The following GRIN3A variants were observed in gnomAD, a reference collection of about 807,000 sequenced individuals.
The protein encoded by GRIN3A is glutamate receptor ionotropic, NMDA 3A.
In GRIN3A, 47 loss-of-function variants were observed where a neutral mutation model predicts 92.4. The observed-to-expected ratio is 0.51, with a 90% CI of 0.40 to 0.65. The LOEUF (loss-of-function observed/expected upper bound fraction) is 0.65, where lower values mean the gene tolerates loss of function less well. GRIN3A is among the 30% of genes least tolerant of loss of function. GRIN3A has a pLI of 0.00. For missense variants in GRIN3A, 1,324 were observed against 1,393.1 expected (o/e 0.95, Z 0.79); for synonymous variants, 527 against 540.6 (o/e 0.97, Z 0.35).
chr9:101,610,630 A>ATCATCTG (rs1828353007), intron 6 of GRIN3A, among the ~76,000 whole-genome samples: 1 of 134,896 alleles, frequency 7.4e-6, no homozygotes, highest in African/African-American at 2.6e-5. Context: ...TCTATCATCT[A>ATCATCTG]TCTATCTACA....
intron 6 of GRIN3A, among the ~76,000 whole-genome samples, chr9:101,596,183 C>A (rs1169313115): frequency 6.6e-5 from 10 of 152,144 alleles, no homozygotes; most frequent in Admixed American, 6.5e-4. Context: ...CTAAAGATAA[C>A]CATGCTGGAA....
intron 5 of GRIN3A, among the ~76,000 whole-genome samples, chr9:101,616,089 GACC>G (rs1376142579): frequency 6.6e-6 from 1 of 152,178 alleles, no homozygotes; most frequent in East Asian, 1.9e-4. Flanking sequence ...GCTAAGTCCT[GACC>G]ACTTAACATG....
At chr9:101,654,110 ACAGTGTTTTAT>A (rs574424794) in intron 3 of GRIN3A, among the ~76,000 whole-genome samples, 308 of 151,750 alleles carry the variant, frequency 2.0e-3, no homozygotes, top group African/African-American at 6.7e-3. Context: ...TTCATTCAAT[ACAGTGTTTTAT>A]TATCTTATCT....
chr9:101,734,037 CCAATTATATTA>C (rs2119048485), intron 1 of GRIN3A, among the ~76,000 whole-genome samples: 1 of 152,012 alleles, frequency 6.6e-6, no homozygotes, highest in African/African-American at 2.4e-5. Context: ...TGGATCTAAG[CCAATTATATTA>C]CATCATTAAC....
chr9:101,589,567 T>A (rs1040623831), intron 6 of GRIN3A, among the ~76,000 whole-genome samples: 2 of 152,216 alleles, frequency 1.3e-5, no homozygotes, highest in African/African-American at 4.8e-5. Flanking sequence ...TTTGAATGAA[T>A]CATATAATGA....
chr9:101,589,079 T>C (rs1400651716), intron 6 of GRIN3A, among the ~76,000 whole-genome samples: 1 of 152,126 alleles, frequency 6.6e-6, no homozygotes, highest in East Asian at 1.9e-4. Context: ...CAAATGATTC[T>C]CCTGTTTCTG....
chr9:101,637,626 A>C (rs1460934607), intron 3 of GRIN3A, among the ~76,000 whole-genome samples: 1 of 152,236 alleles, frequency 6.6e-6, no homozygotes, highest in Non-Finnish European at 1.5e-5. Context: ...CCTTAACGTG[A>C]ATTATATGAT....
In GRIN3A at chr9:101,670,673, C is replaced by T; in HGVS notation, c.1739G>A (p.Cys580Tyr). 6.2e-7 allele frequency: 1 copy of T among 1,614,036 alleles called. No individual in the cohort carries two copies. Among genetic ancestry groups the T allele is most frequent in the Non-Finnish European group, 8.5e-7 (1 of 1,179,948 alleles). The change falls in exon 3 of 9, where the codon TGC becomes TAC. Residue 580 changes from cysteine to tyrosine, a missense_variant. Cys to Tyr is a radical substitution (Grantham distance 194). Coordinates refer to ENST00000361820, the MANE Select transcript of GRIN3A (RefSeq NM_133445.3). ...IKFKKCCYGY[C>Y]IDLLEKIAED... ...TGCTATCTTTTCCAGCAGATCAATG[C>T]AATATCCATAGCAGCACTTCTTGAA... is the stretch of plus-strand genomic sequence containing the variant.
chr9:101,656,839 C>A (rs1289426892), intron 3 of GRIN3A, among the ~76,000 whole-genome samples: 2 of 151,878 alleles, frequency 1.3e-5, no homozygotes, highest in African/African-American at 4.8e-5. Context: ...GCAGCTTCAC[C>A]TATGAGGAGT....
intron 1 of GRIN3A, among the ~76,000 whole-genome samples, chr9:101,701,020 A>C (rs1829745791): frequency 6.6e-6 from 1 of 152,218 alleles, no homozygotes; most frequent in Non-Finnish European, 1.5e-5. Flanking sequence ...ACAATTACTC[A>C]TGGCATGGAG....
chr9:101,710,097 CAG>C (rs1351268778), intron 1 of GRIN3A, among the ~76,000 whole-genome samples: 2 of 152,084 alleles, frequency 1.3e-5, no homozygotes, highest in African/African-American at 4.8e-5. Context: ...GAAGAAAATA[CAG>C]AGATTAGATT....
intron 1 of GRIN3A, among the ~76,000 whole-genome samples, chr9:101,705,298 A>C (rs111908830): frequency 6.6e-5 from 10 of 152,222 alleles, no homozygotes; most frequent in African/African-American, 2.2e-4. Context: ...AGCGCAGAGA[A>C]CAGTAGGGCA....
intron 1 of GRIN3A, among the ~76,000 whole-genome samples, chr9:101,701,147 C>G (rs1265324639): frequency 6.6e-6 from 1 of 152,138 alleles, no homozygotes; most frequent in Non-Finnish European, 1.5e-5. Context: ...AAATAAAGCT[C>G]AGATTACTAT....
chr9:101,623,531 A>G (rs10989566), intron 4 of GRIN3A, 98 bp from the exon 5 acceptor site: 402,854 of 844,832 alleles, frequency 0.48, 97,446 homozygotes, highest in African/African-American at 0.57. Flanking sequence ...ACAGAACCCG[A>G]ACACTAAGGG....
At chr9:101,654,197 T>C (rs1352603512) in intron 3 of GRIN3A, among the ~76,000 whole-genome samples, 3 of 151,740 alleles carry the variant, frequency 2.0e-5, no homozygotes, top group Non-Finnish European at 4.4e-5. Context: ...TTAAGTTTTT[T>C]TTTCTTGTGA....
rs574069760 is a variant in GRIN3A, at chr9:101,604,793, G to A, written c.2766+8583C>T. On this transcript the variant is annotated intron_variant, in intron 6 of 8. Coordinates refer to ENST00000361820, the MANE Select transcript of GRIN3A (RefSeq NM_133445.3). Reference sequence around the variant, plus strand: ...ATATGAATTAAAGATAAACTGGTCAGAAAAAACTGACTGGCATTGAAGCTT... The same window carrying A: ...ATATGAATTAAAGATAAACTGGTCAAAAAAAACTGACTGGCATTGAAGCTT... Among the ~76,000 whole-genome samples, 8 of 152,288 alleles carry A rather than the reference G, an allele frequency of 5.3e-5. No individual in the cohort carries two copies. The South Asian group carries it at 1.2e-3, about 24-fold the overall frequency.
At chr9:101,672,212 T>G (rs191706888) in intron 2 of GRIN3A, among the ~76,000 whole-genome samples, 33 of 152,274 alleles carry the variant, frequency 2.2e-4, no homozygotes, top group Admixed American at 1.9e-3. Flanking sequence ...TGCTTTAGTT[T>G]TGTCACCAGC....
intron 6 of GRIN3A, among the ~76,000 whole-genome samples, chr9:101,589,052 C>G (rs1018993932): frequency 1.3e-5 from 2 of 152,178 alleles, no homozygotes; most frequent in Admixed American, 1.3e-4. Flanking sequence ...CTCACTGCAA[C>G]CTCCGCCTTT....
chr9:101,653,165 G>A (rs895096142), intron 3 of GRIN3A, among the ~76,000 whole-genome samples: 1 of 151,928 alleles, frequency 6.6e-6, no homozygotes, highest in African/African-American at 2.4e-5. Context: ...CATGCCACTT[G>A]TGTCAGGAAT....
Sources: allele counts gnomAD v4.1 joint callset (sites outside exome capture counted in the v4.1 genomes callset), GRCh38; gene constraint gnomAD v4.1.1; transcripts MANE v1.5; gene names NCBI Gene and HGNC (gene_info 2026-07-23, HGNC 2026-07-21).